PRCD: variants seen among roughly 807,000 people sequenced by gnomAD.
PRCD encodes photoreceptor disc component, also known as photoreceptor disk component PRCD.
A neutral mutation model predicts 10.1 loss-of-function variants in PRCD; 12 were observed. The ratio of observed to expected loss-of-function variants is 1.18; its 90% CI spans 0.76 to 1.92. The LOEUF (loss-of-function observed/expected upper bound fraction) is 1.92, where lower values mean the gene tolerates loss of function less well. Ranked by LOEUF, PRCD falls within the 40% of genes most tolerant of loss-of-function variation. PRCD has a pLI of 0.00. For synonymous variants in PRCD, 31 were observed against 26.2 expected (o/e 1.18, Z -0.56); for missense variants, 61 against 72.2 (o/e 0.84, Z 0.56).
rs148861933 is a variant in PRCD at position 76,544,367 on chromosome 17, A to AAG, written c.*718_*719dup. 130 of 454,736 alleles carry AAG rather than the reference A, an allele frequency of 2.9e-4. No homozygotes were observed. The East Asian group carries it at 6.6e-3, about 23-fold the overall frequency. 28.2% of individuals were successfully genotyped at this position (454,736 alleles called of 1,614,324 possible). A position where few individuals can be genotyped will look rare whatever the true frequency, so the allele number is the denominator to read the frequency against. On this transcript the variant is annotated 3_prime_UTR_variant, in exon 5 of 5. Coordinates refer to ENST00000592014, the MANE Select transcript of PRCD (RefSeq NM_001077620.3). The stretch of plus-strand genomic sequence containing the variant: ...TCTGCCTCTGAAGGGAAGGAAGGGA[A>AAG]AGGGTGAGGGATGCCGCAGAGCAGA...
upstream of PRCD, chr17:76,538,416 C>CT (rs1161377038): frequency 2.3e-6 from 1 of 439,168 alleles, no homozygotes; most frequent in Non-Finnish European, 4.7e-6. Flanking sequence ...CCTGCGCCCC[C>CT]TCTCCTTCCG....
rs879232301 is a variant in PRCD at position 76,528,436 on chromosome 17, G to A, written n.45+603G>A. On this transcript the variant is annotated intron_variant and non_coding_transcript_variant, in intron 1 of 4. Transcript: ENST00000397633. This position sits in a 1 kb window ranked among gnomAD's most constrained non-coding sequence, Gnocchi z 5.8. ...GCAGCTCCAGGGGGGGACCCTGGCC[G>A]CCACAGAGGCCTCCTTCGGGGAAGT... 2 of 778,690 alleles carry A rather than the reference G, an allele frequency of 2.6e-6. No individual in the cohort carries two copies. Among genetic ancestry groups the A allele is most frequent in the East Asian group, 3.4e-5 (1 of 29,520 alleles). 48.2% of individuals were successfully genotyped at this position (778,690 alleles called of 1,614,324 possible). A position where few individuals can be genotyped will look rare whatever the true frequency, so the allele number is the denominator to read the frequency against.
chr17:76,543,409 A>G (rs1345025888), intron 4 of PRCD: 1 of 337,178 alleles, frequency 3.0e-6, no homozygotes, highest in Non-Finnish European at 5.8e-6. Context: ...CCCAGAAGCA[A>G]GGGACGGCTG....
rs548821504 is a variant in PRCD, at chr17:76,532,688, C to A, written n.45+4855C>A. Among the ~76,000 whole-genome samples, 98 of 152,166 alleles carry A rather than the reference C, an allele frequency of 6.4e-4. 1 individual carries two copies. The highest frequency in any genetic ancestry group is 1.3e-3 in the Non-Finnish European group (85 of 67,988). ...CTGGGACTACAGGCATCCATCACCA[C>A]GCCCGGCTAGCTAATTTTTTGTATT... On this transcript the variant is annotated intron_variant and non_coding_transcript_variant, in intron 1 of 4. Transcript: ENST00000397633.
At chr17:76,547,547 G>C (rs1159648933), downstream of PRCD, among the ~76,000 whole-genome samples, 3 of 152,084 alleles carry the variant, frequency 2.0e-5, no homozygotes, top group Admixed American at 2.0e-4. Context: ...GACTGTAGTG[G>C]GGGACTGAGA....
At position 76,528,421 on chromosome 17, in the gene PRCD, G is replaced by A; in HGVS notation, n.45+588G>A. 1.5e-6 allele frequency: 1 copy of A among 657,764 alleles called. No homozygotes were observed. Among genetic ancestry groups the A allele is most frequent in the Non-Finnish European group, 2.2e-6 (1 of 455,004 alleles). 40.7% of individuals were successfully genotyped at this position (657,764 alleles called of 1,614,324 possible). On this transcript the variant is annotated intron_variant and non_coding_transcript_variant, in intron 1 of 4. Coordinates refer to the PRCD transcript ENST00000397633. The surrounding 1 kb of genome is among the most constrained non-coding windows in gnomAD (Gnocchi z 5.8). ...CAGCGCCGCCTCCCAGCAGCTCCAG[G>A]GGGGGACCCTGGCCGCCACAGAGGC...
chr17:76,550,104 C>T (rs917232468), downstream of PRCD: 6 of 151,990 alleles, frequency 3.9e-5, no homozygotes, highest in Non-Finnish European at 7.3e-5. Flanking sequence ...TACCAGCTTA[C>T]ACTACCACGC....
rs757827110 is a variant in PRCD at position 76,540,251 on chromosome 17, CG to C, written c.74+48del. 258 of 892,436 alleles carry C rather than the reference CG, an allele frequency of 2.9e-4. No individual in the cohort carries two copies. In the African/African-American group the frequency reaches 4.5e-3, roughly 16 times the overall value. The allele number at this position is 892,436 out of a possible 1,614,324, so 55.3% of individuals were successfully genotyped here. A position where few individuals can be genotyped will look rare whatever the true frequency, so the allele number is the denominator to read the frequency against. ...GACCGGGCTATGGCTGGCGGTTGGT[CG>C]GGGGGGGGGGGCATGGGGCTGGGCT... is the stretch of plus-strand genomic sequence containing the variant. On this transcript the variant is annotated intron_variant, in intron 1 of 4. Coordinates refer to ENST00000592014, the MANE Select transcript of PRCD (RefSeq NM_001077620.3). The surrounding 1 kb of genome is among the most constrained non-coding windows in gnomAD (Gnocchi z 5.0).
At chr17:76,548,441 C>A (rs972967125), downstream of PRCD, among the ~76,000 whole-genome samples, 1 of 152,224 alleles carries the variant, frequency 6.6e-6, no homozygotes, top group African/African-American at 2.4e-5. Flanking sequence ...TATCAGGTGT[C>A]AGGAGTGACA....
At chr17:76,543,341 A>AT (rs2075014429) in intron 4 of PRCD, 1 of 342,342 alleles carries the variant, frequency 2.9e-6, no homozygotes, top group African/African-American at 2.1e-5. Context: ...CACCAGGCTA[A>AT]TTCTGGGGCA....
downstream of PRCD, among the ~76,000 whole-genome samples, chr17:76,547,590 T>C (rs2075064003): frequency 6.6e-6 from 1 of 152,060 alleles, no homozygotes; most frequent in African/African-American, 2.4e-5. Flanking sequence ...AGACTCAGCC[T>C]GTGCACCTGG....
downstream of PRCD, chr17:76,549,954 TG>T (rs2075090906): frequency 1.3e-5 from 2 of 152,258 alleles, no homozygotes; most frequent in South Asian, 2.1e-4. Context: ...TTTTTTTGTT[TG>T]TTTTTTTTTC....
rs200398429 is a variant in PRCD, at chr17:76,540,357, G to A, written c.74+142G>A. 552 of 1,281,132 alleles carry A rather than the reference G, an allele frequency of 4.3e-4. 4 individuals carry two copies. The East Asian group carries it at 0.013, about 30-fold the overall frequency. The allele number at this position is 1,281,132 out of a possible 1,614,324, so 79.4% of individuals were successfully genotyped here. ...GGCATTTTGAGGAACCCTTGAGAGA[G>A]CACAGTCTCAGAGCAGGGGGACTTA... On this transcript the variant is annotated intron_variant, in intron 1 of 4. Coordinates refer to ENST00000592014, the MANE Select transcript of PRCD (RefSeq NM_001077620.3). The surrounding 1 kb of genome is among the most constrained non-coding windows in gnomAD (Gnocchi z 5.0).
rs1270069274 is a variant in PRCD, at chr17:76,545,111, T to C, written c.*1461T>C. The C allele has an allele frequency of 6.6e-6, 3 of 456,096 alleles. No homozygotes were observed. Among genetic ancestry groups the C allele is most frequent in the Non-Finnish European group, 1.3e-5 (3 of 226,904 alleles). The allele number at this position is 456,096 out of a possible 1,614,324, so 28.3% of individuals were successfully genotyped here. A position where few individuals can be genotyped will look rare whatever the true frequency, so the allele number is the denominator to read the frequency against. On this transcript the variant is annotated 3_prime_UTR_variant, in exon 5 of 5. Transcript: ENST00000592014. ...GGCTGGCTTTGGTGGGAGCAGATTG[T>C]GTTTACACCTTCCCCGCACACCCAG...
In PRCD at chr17:76,540,644, T is replaced by C; in HGVS notation, c.143+71T>C. ...AGCTGTGGCTGTGCATGCCTGGGGGTGCACGTGTGTGCCTGTGCGCGCCTG... is the reference window on the plus strand; with the variant it reads ...AGCTGTGGCTGTGCATGCCTGGGGGCGCACGTGTGTGCCTGTGCGCGCCTG... On this transcript the variant is annotated intron_variant, in intron 2 of 4. Coordinates refer to ENST00000592014, the MANE Select transcript of PRCD (RefSeq NM_001077620.3). This position sits in a 1 kb window ranked among gnomAD's most constrained non-coding sequence, Gnocchi z 5.0. The C allele has an allele frequency of 6.8e-7, 1 of 1,464,420 alleles. No individual in the cohort carries two copies. Among genetic ancestry groups the C allele is most frequent in the Non-Finnish European group, 9.5e-7 (1 of 1,049,880 alleles). The allele number at this position is 1,464,420 out of a possible 1,614,324, so 90.7% of individuals were successfully genotyped here.
upstream of PRCD, chr17:76,537,642 C>G (rs1020216741): frequency 2.1e-6 from 2 of 964,944 alleles, no homozygotes; most frequent in African/African-American, 1.8e-5. Flanking sequence ...GCTGCGTGCG[C>G]GGCGGGCGGG....
chr17:76,546,031 T>A (rs531102210), downstream of PRCD: 1 of 153,326 alleles, frequency 6.5e-6, no homozygotes, highest in South Asian at 2.0e-4. The surrounding 1 kb of genome is among the most constrained non-coding windows in gnomAD (Gnocchi z 4.5). Context: ...TGTCCCAACC[T>A]CCAGTGGTGA....
Position 76,533,622 on chromosome 17 carries a change from C to T in PRCD, n.45+5789C>T, listed in dbSNP as rs537480932. ...CCTTTGATTCCAGCTACTCAGGGGCCTAAAGTGGGAGGATCACTTGAACCC... is the reference window on the plus strand; with the variant it reads ...CCTTTGATTCCAGCTACTCAGGGGCTTAAAGTGGGAGGATCACTTGAACCC... On this transcript the variant is annotated intron_variant and non_coding_transcript_variant, in intron 1 of 4. Transcript: ENST00000397633. The surrounding 1 kb of genome is among the most constrained non-coding windows in gnomAD (Gnocchi z 4.5). Among the ~76,000 whole-genome samples the T allele has an allele frequency of 6.6e-6, 1 of 152,070 alleles. No homozygotes were observed. Among genetic ancestry groups the T allele is most frequent in the East Asian group, 1.9e-4 (1 of 5,166 alleles).
upstream of PRCD, chr17:76,539,956 G>A (rs909278652): frequency 1.1e-5 from 7 of 627,482 alleles, no homozygotes; most frequent in Non-Finnish European, 2.0e-5. Context: ...TGGGCCCAGT[G>A]AGCTTAATCA....
Sources: allele counts gnomAD v4.1 joint callset (sites outside exome capture counted in the v4.1 genomes callset), GRCh38; gene constraint gnomAD v4.1.1; non-coding constraint Gnocchi (gnomAD v3.1); transcripts MANE v1.5; gene names NCBI Gene and HGNC (gene_info 2026-07-23, HGNC 2026-07-21).